The following B4GALNT2 variants were observed in gnomAD, a reference collection of about 807,000 sequenced individuals.
The protein encoded by B4GALNT2 is beta-1,4-N-acetyl-galactosaminyltransferase 2 (SID blood group).
In B4GALNT2, 42 loss-of-function variants were observed where a neutral mutation model predicts 51.1. The observed-to-expected ratio is 0.82, with a 90% CI of 0.64 to 1.06. B4GALNT2 has a LOEUF of 1.06. B4GALNT2 is among the 50% of genes least tolerant of loss of function. The pLI, the probability that B4GALNT2 is intolerant of heterozygous loss-of-function variation, is 0.00. For missense variants in B4GALNT2, 602 were observed against 633.6 expected (o/e 0.95, Z 0.54); for synonymous variants, 253 against 251.7 (o/e 1.01, Z -0.05).
intron 1 of B4GALNT2, among the ~76,000 whole-genome samples, chr17:49,136,321 A>G (rs904335824): frequency 6.6e-6 from 1 of 151,850 alleles, no homozygotes; most frequent in Non-Finnish European, 1.5e-5. Context: ...AAAAGAAAGA[A>G]AAAAGAGACT....
At chr17:49,167,407 A>G (rs1598217804) in intron 9 of B4GALNT2, among the ~76,000 whole-genome samples, 3 of 152,192 alleles carry the variant, frequency 2.0e-5, no homozygotes, top group African/African-American at 7.2e-5. Flanking sequence ...ACGTTGCTGC[A>G]AGGGAGGTGG....
chr17:49,124,322 A>C, the B4GALNT2 span, among the ~76,000 whole-genome samples: 12 of 152,342 alleles, frequency 7.9e-5, no homozygotes, highest in African/African-American at 2.9e-4. Context: ...AAAAAGCTGC[A>C]TTCAAGAGCA....
intron 3 of B4GALNT2, chr17:49,148,478 C>T (rs1304489340): frequency 9.9e-6 from 3 of 302,574 alleles, no homozygotes; most frequent in Non-Finnish European, 2.0e-5. Context: ...GTGGCTCACC[C>T]TCCAGACCTT....
At position 49,152,778 on chromosome 17, in the gene B4GALNT2, G is replaced by A. The variant is rs768187067; in HGVS notation, c.354-22G>A. 4.2e-5 allele frequency: 65 copies of A among 1,534,682 alleles called. 1 individual carries two copies. Among genetic ancestry groups the A allele is most frequent in the Non-Finnish European group, 1.2e-5 (13 of 1,128,906 alleles). Reference sequence around the variant, plus strand: ...GACCAGCATCAGGGCAGCTGCTGACGTTTCTGTTCTCCTTCCTGCAGAGAA... The same window carrying A: ...GACCAGCATCAGGGCAGCTGCTGACATTTCTGTTCTCCTTCCTGCAGAGAA... On this transcript the variant is annotated intron_variant, in intron 3 of 10. Coordinates refer to ENST00000393354, the MANE Select transcript of B4GALNT2 (RefSeq NM_001159387.2).
chr17:49,134,239 C>T (rs2042569798), intron 1 of B4GALNT2, among the ~76,000 whole-genome samples: 1 of 152,156 alleles, frequency 6.6e-6, no homozygotes, highest in African/African-American at 2.4e-5. Flanking sequence ...AAATAATAAT[C>T]GTACATATTC....
At chr17:49,137,836 T>C (rs2042604315) in intron 1 of B4GALNT2, among the ~76,000 whole-genome samples, 1 of 152,170 alleles carries the variant, frequency 6.6e-6, no homozygotes, top group South Asian at 2.1e-4. Context: ...CCATACAGTG[T>C]AGATTTTCAA....
At chr17:49,138,025 A>T (rs1359496258) in intron 1 of B4GALNT2, among the ~76,000 whole-genome samples, 2 of 152,224 alleles carry the variant, frequency 1.3e-5, no homozygotes, top group African/African-American at 4.8e-5. Flanking sequence ...CCCCACTTTC[A>T]ATGTTTGAAA....
rs2042980129 is a variant in B4GALNT2 at position 49,175,183 on chromosome 17, T to C, written c.*5455T>C. The C allele has an allele frequency of 6.6e-6, 1 of 152,202 alleles. No individual in the cohort carries two copies. The highest frequency in any genetic ancestry group is 6.5e-5 in the Admixed American group (1 of 15,278). 9.4% of individuals were successfully genotyped at this position (152,202 alleles called of 1,614,324 possible). A position where few individuals can be genotyped will look rare whatever the true frequency, so the allele number is the denominator to read the frequency against. On this transcript the variant is annotated 3_prime_UTR_variant, in exon 11 of 11. Coordinates refer to ENST00000393354, the MANE Select transcript of B4GALNT2 (RefSeq NM_001159387.2). ...GAAATGATTGAAATGTCTGCTCCTG[T>C]ATCTACCAAACCTTTAAATTTCTTT...
intron 8 of B4GALNT2, among the ~76,000 whole-genome samples, chr17:49,164,711 G>C (rs1280395135): frequency 2.0e-5 from 3 of 151,988 alleles, no homozygotes; most frequent in African/African-American, 7.3e-5. Flanking sequence ...GTGTTGGGCA[G>C]GTTGGTCTCA....
intron 1 of B4GALNT2, among the ~76,000 whole-genome samples, chr17:49,135,748 T>C (rs755469980): frequency 1.6e-4 from 24 of 150,050 alleles, no homozygotes; most frequent in Non-Finnish European, 3.0e-4. Context: ...CAGGGCAACA[T>C]AGTGAGAGCC....
intron 1 of B4GALNT2, among the ~76,000 whole-genome samples, chr17:49,137,743 C>T (rs2042603569): frequency 3.3e-5 from 5 of 152,102 alleles, no homozygotes; most frequent in Admixed American, 3.3e-4. Flanking sequence ...CAGAACTTAA[C>T]AGGGAGGCCC....
intron 10 of B4GALNT2, 40 bp from the exon 11 acceptor site, chr17:49,169,483 C>A: frequency 6.3e-7 from 1 of 1,584,512 alleles, no homozygotes; most frequent in Non-Finnish European, 8.6e-7. Context: ...ACTTTTCTGA[C>A]CGCAGCTCCC....
intron 7 of B4GALNT2, among the ~76,000 whole-genome samples, chr17:49,161,743 GC>G (rs1477003556): frequency 4.0e-5 from 6 of 151,386 alleles, no homozygotes. Context: ...TGTAATCCCA[GC>G]TACTGGGGAG....
At chr17:49,134,843 A>G (rs28480001) in intron 1 of B4GALNT2, among the ~76,000 whole-genome samples, 3,792 of 152,276 alleles carry the variant, frequency 0.025, 166 homozygotes, top group African/African-American at 0.087. Context: ...CACCCGCCTC[A>G]GCCTCCCAAA....
intron 9 of B4GALNT2, among the ~76,000 whole-genome samples, chr17:49,167,895 C>G (rs2042925434): frequency 6.6e-6 from 1 of 152,176 alleles, no homozygotes; most frequent in Non-Finnish European, 1.5e-5. Context: ...CTGGTGTGAG[C>G]CACCACGCCC....
At chr17:49,139,870 A>C (rs1598197733) in intron 1 of B4GALNT2, among the ~76,000 whole-genome samples, 1 of 151,032 alleles carries the variant, frequency 6.6e-6, no homozygotes, top group Non-Finnish European at 1.5e-5. Context: ...TTTCTACTTT[A>C]TTACAGTTTT....
intron 1 of B4GALNT2, among the ~76,000 whole-genome samples, chr17:49,133,930 AAAAC>A (rs138784461): frequency 1.1e-3 from 171 of 151,744 alleles, no homozygotes; most frequent in East Asian, 5.0e-3. Context: ...ACAAACAAAC[AAAAC>A]AAACAAACAA....
Position 49,160,640 on chromosome 17 carries a change from AG to A in B4GALNT2, c.766+1del. Reference protein sequence around the residue: ...VIPKLYDPGPERKLRNLVTIA... With the variant: ...VIPKLYDPGPXRKLRNLVTIA... ...TACCCAAGCTATACGACCCTGGACCAGGTAAGGCCCTTGTCCTTGGGGCTCC... is the reference window on the plus strand; with the variant it reads ...TACCCAAGCTATACGACCCTGGACCAGTAAGGCCCTTGTCCTTGGGGCTCC... On this transcript the variant is annotated frameshift_variant and splice_region_variant, in exon 7 of 11. Coordinates refer to ENST00000393354, the MANE Select transcript of B4GALNT2 (RefSeq NM_001159387.2). LOFTEE classifies it high-confidence loss of function. The A allele has an allele frequency of 6.2e-7, 1 of 1,613,842 alleles. No individual in the cohort carries two copies. Among genetic ancestry groups the A allele is most frequent in the Non-Finnish European group, 8.5e-7 (1 of 1,179,732 alleles).
chr17:49,142,623 T>C (rs1263996889), intron 3 of B4GALNT2, among the ~76,000 whole-genome samples: 1 of 152,062 alleles, frequency 6.6e-6, no homozygotes, highest in Non-Finnish European at 1.5e-5. Flanking sequence ...GCCCAGGAAG[T>C]TGAAGCTGCA....
Sources: allele counts gnomAD v4.1 joint callset (sites outside exome capture counted in the v4.1 genomes callset), GRCh38; gene constraint gnomAD v4.1.1; transcripts MANE v1.5; gene names NCBI Gene and HGNC (gene_info 2026-07-23, HGNC 2026-07-21).